Variants in ERBB4 observed in about 807,000 individuals in gnomAD.
ERBB4 encodes receptor tyrosine-protein kinase erbB-4.
A neutral mutation model predicts 158.0 loss-of-function variants in ERBB4; 42 were observed. The ratio of observed to expected loss-of-function variants is 0.27; its 90% CI spans 0.21 to 0.34. ERBB4 has a LOEUF of 0.34. ERBB4 is among the 10% of genes least tolerant of loss of function. The pLI is 1.00. For synonymous variants in ERBB4, 583 were observed against 558.7 expected, an observed-to-expected ratio of 1.04 and a Z score of -0.61; for missense variants, 1,333 against 1,624.1, an observed-to-expected ratio of 0.82 and a Z score of 3.08.
intron 2 of ERBB4, among the ~76,000 whole-genome samples, chr2:212,076,173 T>C (rs1251564333): frequency 6.6e-6 from 1 of 151,872 alleles, no homozygotes; most frequent in Non-Finnish European, 1.5e-5. Flanking sequence ...TCTGAGGGAC[T>C]GTATTAACCT....
At chr2:211,921,635 T>C (rs2079860786) in intron 3 of ERBB4, among the ~76,000 whole-genome samples, 1 of 151,952 alleles carries the variant, frequency 6.6e-6, no homozygotes, top group Non-Finnish European at 1.5e-5. Context: ...TGACATCAAA[T>C]AGGACAATTT....
intron 1 of ERBB4, among the ~76,000 whole-genome samples, chr2:212,424,939 A>T (rs993942991): frequency 1.3e-5 from 2 of 152,066 alleles, no homozygotes; most frequent in Non-Finnish European, 2.9e-5. Context: ...ATGTCATTTT[A>T]GTTATACATA....
At chr2:212,395,614 CTTTTTTTT>C (rs760604732) in intron 1 of ERBB4, among the ~76,000 whole-genome samples, 1 of 84,736 alleles carries the variant, frequency 1.2e-5, no homozygotes, top group Non-Finnish European at 2.2e-5. Flanking sequence ...CAGTTACACT[CTTTTTTTT>C]TTTTTTTTTT....
chr2:211,594,360 A>G (rs1045202465), intron 19 of ERBB4, among the ~76,000 whole-genome samples: 1 of 152,086 alleles, frequency 6.6e-6, no homozygotes, highest in Non-Finnish European at 1.5e-5. Context: ...AATTGCTTGA[A>G]GCTGAGAGGC....
intron 1 of ERBB4, among the ~76,000 whole-genome samples, chr2:212,312,826 G>A (rs961879533): frequency 6.6e-6 from 1 of 150,578 alleles, no homozygotes; most frequent in Non-Finnish European, 1.5e-5. Context: ...AGAAGCAAAA[G>A]CAGAACTGAA....
chr2:212,390,375 T>C (rs962900195), intron 1 of ERBB4, among the ~76,000 whole-genome samples: 1 of 151,812 alleles, frequency 6.6e-6, no homozygotes, highest in African/African-American at 2.4e-5. Flanking sequence ...TTTGTTTTTC[T>C]TGTTATTGTT....
intron 1 of ERBB4, among the ~76,000 whole-genome samples, chr2:212,318,671 A>T (rs2106258061): frequency 6.6e-6 from 1 of 151,656 alleles, no homozygotes; most frequent in African/African-American, 2.4e-5. Context: ...AGTGGATTGG[A>T]GTTGAGAGAG....
intron 2 of ERBB4, among the ~76,000 whole-genome samples, chr2:212,023,624 A>G (rs990337437): frequency 6.6e-6 from 1 of 152,160 alleles, no homozygotes; most frequent in African/African-American, 2.4e-5. Flanking sequence ...AGACTTCAAC[A>G]TGCATCATGC....
In ERBB4 at chr2:211,677,354, C is replaced by A. The variant is rs374665129; in HGVS notation, c.1622+1698G>T. 1.3e-3 allele frequency among the ~76,000 whole-genome samples: 195 copies of A among 151,250 alleles called. 5 individuals are homozygous for A. In the South Asian group the frequency reaches 0.026, roughly 20 times the overall value. On this transcript the variant is annotated intron_variant, in intron 13 of 27. Transcript: ENST00000342788. ...CCGAGGCAGGCAGATCACCTGAGGT[C>A]AGGAGTTCGAGACTAGCCTGACCAA...
At chr2:211,626,826 G>C (rs1034721091) in intron 17 of ERBB4, among the ~76,000 whole-genome samples, 3 of 151,994 alleles carry the variant, frequency 2.0e-5, no homozygotes, top group Non-Finnish European at 4.4e-5. Flanking sequence ...TCGGGAGGCT[G>C]AGACAGGAGA....
chr2:211,894,781 C>T (rs907936325), intron 3 of ERBB4, among the ~76,000 whole-genome samples: 1 of 151,876 alleles, frequency 6.6e-6, no homozygotes, highest in Admixed American at 6.6e-5. Context: ...GTAAATGGTG[C>T]TTTAATTTTC....
chr2:211,420,705 T>C, intron 24 of ERBB4, 94 bp from the exon 25 acceptor site: 2 of 1,140,560 alleles, frequency 1.8e-6, no homozygotes, highest in Non-Finnish European at 2.6e-6. Context: ...TCATAACAAA[T>C]GGTTGAAAAA....
chr2:211,871,979 T>C (rs1259822800), intron 3 of ERBB4, among the ~76,000 whole-genome samples: 1 of 152,186 alleles, frequency 6.6e-6, no homozygotes, highest in African/African-American at 2.4e-5. Context: ...ACAGGAAGCA[T>C]GTCTCCAAAT....
At chr2:211,398,585 G>A (rs1369265585) in intron 25 of ERBB4, among the ~76,000 whole-genome samples, 1 of 152,104 alleles carries the variant, frequency 6.6e-6, no homozygotes, top group Admixed American at 6.6e-5. Flanking sequence ...GCTCATGACT[G>A]TAATCCCAGC....
chr2:211,771,459 C>G (rs900073340), intron 4 of ERBB4, among the ~76,000 whole-genome samples: 1 of 152,174 alleles, frequency 6.6e-6, no homozygotes, highest in African/African-American at 2.4e-5. Flanking sequence ...GAGACAGAAA[C>G]TCTTGTTTAA....
intron 9 of ERBB4, among the ~76,000 whole-genome samples, chr2:211,707,348 G>A (rs1004591141): frequency 2.5e-4 from 38 of 152,212 alleles, no homozygotes; most frequent in African/African-American, 9.1e-4. Flanking sequence ...GAAATACATA[G>A]TACTTTAAAA....
intron 3 of ERBB4, among the ~76,000 whole-genome samples, chr2:211,944,206 A>ATATATATATATATATATAT (rs371912701): frequency 5.8e-5 from 6 of 104,040 alleles, no homozygotes; most frequent in Admixed American, 2.1e-4. Context: ...TATACTATAT[A>ATATATATATATATATATAT]TATATATACA....
chr2:211,447,485 A>G (rs150277049), intron 20 of ERBB4, among the ~76,000 whole-genome samples: 18 of 152,318 alleles, frequency 1.2e-4, no homozygotes, highest in Middle Eastern at 3.4e-3. Context: ...TCTTTTCTAC[A>G]TCAATATTCT....
At chr2:211,670,274 T>G (rs531149222) in intron 14 of ERBB4, among the ~76,000 whole-genome samples, 1 of 152,212 alleles carries the variant, frequency 6.6e-6, no homozygotes, top group African/African-American at 2.4e-5. Context: ...CAAACCATAG[T>G]GGGAGCAATG....
Sources: gnomAD v4.1 joint callset for allele counts (sites outside exome capture counted in the v4.1 genomes callset) on GRCh38, gnomAD v4.1.1 for gene constraint, MANE v1.5 for transcripts, NCBI Gene and HGNC (gene_info 2026-07-23, HGNC 2026-07-21) for gene names.